Variants in UNC13D observed in about 807,000 individuals in gnomAD.
UNC13D encodes the protein protein unc-13 homolog D.
Under a neutral mutation model 151.7 loss-of-function variants are expected in UNC13D, and 115 were observed. That is an observed-to-expected ratio of 0.76 (90% CI 0.65 to 0.88). The LOEUF is 0.88. Ranked by LOEUF, UNC13D falls within the 40% of genes least tolerant of loss-of-function variation. UNC13D has a pLI of 0.00. For synonymous variants in UNC13D, 588 were observed against 612.2 expected, an observed-to-expected ratio of 0.96 and a Z score of 0.58; for missense variants, 1,369 against 1,438.7, an observed-to-expected ratio of 0.95 and a Z score of 0.78.
chr17:75,842,550 G>T lies in UNC13D; in HGVS notation c.452C>A (p.Pro151His). ...EQGVGVPGGS[P>H]GSRHRQKAVV... Reference sequence around the variant, plus strand: ...AGCCTTCTGCCGATGCCGGGACCCGGGGCTGCCCCCTGGCACACCTACCCC... The same window carrying T: ...AGCCTTCTGCCGATGCCGGGACCCGTGGCTGCCCCCTGGCACACCTACCCC... The change falls in exon 6 of 32, where the codon CCC (proline) becomes CAC (histidine). Residue 151 changes from proline to histidine, a missense_variant. This residue lies in a region of UNC13D where 550 missense variants were observed against 609.0 expected (regional missense o/e 0.90). Coordinates refer to ENST00000207549, the MANE Select transcript of UNC13D (RefSeq NM_199242.3). The T allele has an allele frequency of 6.2e-7, 1 of 1,612,182 alleles. No homozygotes were observed. The highest frequency in any genetic ancestry group is 1.1e-5 in the South Asian group (1 of 90,986).
Position 75,833,103 on chromosome 17 carries a change from C to T in UNC13D, c.2368-58G>A, listed in dbSNP as rs1235748256. 13 of 1,516,664 alleles carry T rather than the reference C, an allele frequency of 8.6e-6. No individual in the cohort carries two copies. Among genetic ancestry groups the T allele is most frequent in the Non-Finnish European group, 1.2e-5 (13 of 1,115,056 alleles). 94.0% of individuals were successfully genotyped at this position (1,516,664 alleles called of 1,614,324 possible). On this transcript the variant is annotated intron_variant, in intron 24 of 31. Coordinates refer to ENST00000207549, the MANE Select transcript of UNC13D (RefSeq NM_199242.3). The surrounding 1 kb of genome is among the most constrained non-coding windows in gnomAD (Gnocchi z 4.0). ...CGGCCCATGTTGGCCCCACCCCCAT[C>T]CCCTTCCCCTGACCTGGAGGGAGGA...
chr17:75,840,819 G>A lies in UNC13D; in HGVS notation c.626C>T (p.Thr209Ile). Reference protein sequence around the residue: ...SFHLDMWDLDTVESVRQKLGE... With the variant: ...SFHLDMWDLDIVESVRQKLGE... The stretch of plus-strand genomic sequence containing the variant: ...AAGCTTCTGTCGGACAGACTCCACA[G>A]TGTCCAGGTCCCTGGCAGGACAGAG... Residue 209 changes from threonine (T) to isoleucine (I), a missense_variant, in exon 8 of 32, where the codon ACT (threonine) becomes ATT (isoleucine). Transcript: ENST00000207549. This position sits in a 1 kb window ranked among gnomAD's most constrained non-coding sequence, Gnocchi z 4.6. 6.2e-7 allele frequency: 1 copy of A among 1,614,074 alleles called. No individual in the cohort carries two copies. The highest frequency in any genetic ancestry group is 8.5e-7 in the Non-Finnish European group (1 of 1,180,032).
At chr17:75,828,163 G>A in intron 31 of UNC13D, 77 bp from the exon 32 acceptor site, 2 of 1,520,918 alleles carry the variant, frequency 1.3e-6, no homozygotes, top group South Asian at 1.2e-5. Context: ...GAGTGTGTGG[G>A]GGGGTACACA....
chr17:75,835,607 C>T (rs530859398), intron 19 of UNC13D, 40 bp downstream of exon 19: 1 of 1,612,736 alleles, frequency 6.2e-7, no homozygotes, highest in Admixed American at 1.7e-5. Flanking sequence ...CTCCCCTCCC[C>T]TGTGCCCCTG....
At chr17:75,830,979 G>T in intron 27 of UNC13D, 119 bp downstream of exon 27, 1 of 1,223,408 alleles carries the variant, frequency 8.2e-7, no homozygotes. Context: ...TGAATAAGGG[G>T]CCCAGTTTTT....
chr17:75,831,340 G>C lies in UNC13D; in HGVS notation c.2456C>G (p.Thr819Ser). ...LVQENFSSLL[T>S]LLWTHTLTVL... ...TGTGAGTGTGTGGGTCCAGAGCAGG[G>C]TCAGGAGGCTGGGGCGGGGCCGGAG... Residue 819 changes from threonine (T) to serine (S), a missense_variant, in exon 26 of 32, where the codon ACC becomes AGC. Physicochemically the swap from Thr to Ser is moderately conservative, Grantham distance 58. Transcript: ENST00000207549. 1 of 1,603,962 alleles carries C rather than the reference G, an allele frequency of 6.2e-7. No homozygotes were observed. Among genetic ancestry groups the C allele is most frequent in the South Asian group, 1.1e-5 (1 of 90,962 alleles).
At chr17:75,830,519 C>T in intron 28 of UNC13D, 37 bp from the exon 29 acceptor site, 1 of 1,584,578 alleles carries the variant, frequency 6.3e-7, no homozygotes, top group Non-Finnish European at 8.6e-7. Context: ...AGCAGGGTCA[C>T]AGCGGGAGCG....
rs572194095 is a variant in UNC13D at position 75,835,427 on chromosome 17, G to C, written c.1830C>G (p.Arg610=). The change falls in exon 20 of 32, where the codon CGC becomes CGG. Residue 610 remains arginine, a synonymous_variant. Coordinates refer to ENST00000207549, the MANE Select transcript of UNC13D (RefSeq NM_199242.3). The part of the protein sequence containing the change: ...TYNEALARVQ[R]AVQMDELVPL... The stretch of plus-strand genomic sequence containing the variant: ...CCCCCACCTCATCCATCTGCACAGC[G>C]CGCTGCACCCGCGCCAGGGCCTCGT... The C allele has an allele frequency of 6.2e-7, 1 of 1,612,482 alleles. No individual in the cohort carries two copies. The highest frequency in any genetic ancestry group is 8.5e-7 in the Non-Finnish European group (1 of 1,179,844).
In UNC13D at chr17:75,836,509, G is replaced by A. The variant is rs573091246; in HGVS notation, c.1298+63C>T. On this transcript the variant is annotated intron_variant, in intron 14 of 31. Coordinates refer to ENST00000207549, the MANE Select transcript of UNC13D (RefSeq NM_199242.3). Reference sequence around the variant, plus strand: ...CTCCTCCAACAATTCTCCCACTCCTGCAGGCACCCCAGCTGCTCCCTCATC... The same window carrying A: ...CTCCTCCAACAATTCTCCCACTCCTACAGGCACCCCAGCTGCTCCCTCATC... The A allele has an allele frequency of 5.6e-5, 90 of 1,612,674 alleles. 1 individual carries two copies. The South Asian group carries it at 9.2e-4, about 17-fold the overall frequency.
At position 75,842,649 on chromosome 17, in the gene UNC13D, G is replaced by A. The variant is rs375627690; in HGVS notation, c.389-36C>T. The A allele has an allele frequency of 1.7e-5, 28 of 1,609,170 alleles. No homozygotes were observed. The South Asian group carries it at 2.9e-4, about 16-fold the overall frequency. ...GTGGGGAAGACGAGGCAGCCAGGGAGTCGGCTGGGTCCCTGGGAGAGGCCC... is the reference window on the plus strand; with the variant it reads ...GTGGGGAAGACGAGGCAGCCAGGGAATCGGCTGGGTCCCTGGGAGAGGCCC... On this transcript the variant is annotated intron_variant, in intron 5 of 31. Transcript: ENST00000207549.
intron 12 of UNC13D, among the ~76,000 whole-genome samples, chr17:75,839,154 G>A (rs1190576390): frequency 6.6e-6 from 1 of 151,812 alleles, no homozygotes; most frequent in Non-Finnish European, 1.5e-5. Context: ...TATAATCTCA[G>A]CACTTTGAGA....
rs1381119897 is a variant in UNC13D at position 75,834,713 on chromosome 17, T to G, written c.1996A>C (p.Thr666Pro). ...CAGTACACCAGGGCCAGGCGACAGG[T>G]GTCCTAGGGTGGGGTTGGACAGAGG... is the stretch of plus-strand genomic sequence containing the variant. ...FMITVKFVED[T>P]CRLALVYCSL... The change falls in exon 22 of 32, where the codon ACC (threonine) becomes CCC (proline). Residue 666 changes from threonine to proline, a missense_variant. Transcript: ENST00000207549. 1.2e-6 allele frequency: 2 copies of G among 1,613,370 alleles called. No homozygotes were observed. The highest frequency in any genetic ancestry group is 2.2e-5 in the South Asian group (2 of 91,054).
chr17:75,838,696 C>T (rs968744685), intron 12 of UNC13D, among the ~76,000 whole-genome samples: 1 of 152,184 alleles, frequency 6.6e-6, no homozygotes, highest in African/African-American at 2.4e-5. Flanking sequence ...GGGTTAGGGA[C>T]CGGGTCCAAA....
Position 75,831,122 on chromosome 17 carries a change from C to T in UNC13D, c.2601G>A (p.Lys867=). 6.2e-7 allele frequency: 1 copy of T among 1,613,956 alleles called. No individual in the cohort carries two copies. The highest frequency in any genetic ancestry group is 8.5e-7 in the Non-Finnish European group (1 of 1,180,020). Residue 867 remains lysine (K), a synonymous_variant, in exon 27 of 32, where the codon AAG becomes AAA. Transcript: ENST00000207549. ...FHAEGCGLPP[K]ALHTATFQAL... is the part of the protein sequence containing the mutation. ...CCTGGAAGGTGGCAGTGTGCAGGGC[C>T]TTGGGTGGCAGGCCACAGCCCTCAG...
rs1422985125 is a variant in UNC13D at position 75,833,225 on chromosome 17, G to T, written c.2368-180C>A. ...CCTTCCCCTCTCCGTTGCTCAGCCTGTCCCAGCCACACTGGCCTCCTCTAC... is the reference window on the plus strand; with the variant it reads ...CCTTCCCCTCTCCGTTGCTCAGCCTTTCCCAGCCACACTGGCCTCCTCTAC... On this transcript the variant is annotated intron_variant, in intron 24 of 31. Coordinates refer to ENST00000207549, the MANE Select transcript of UNC13D (RefSeq NM_199242.3). This position sits in a 1 kb window ranked among gnomAD's most constrained non-coding sequence, Gnocchi z 4.0. 1.7e-5 allele frequency: 10 copies of T among 592,436 alleles called. No homozygotes were observed. The Admixed American group carries it at 2.5e-4, about 15-fold the overall frequency. The allele number at this position is 592,436 out of a possible 1,614,324, so 36.7% of individuals were successfully genotyped here.
rs1399204539 is a variant in UNC13D at position 75,832,983 on chromosome 17, C to T, written c.2430G>A (p.Val810=). The change falls in exon 25 of 32, where the codon GTG becomes GTA. Residue 810 remains valine (V), a synonymous_variant. Coordinates refer to ENST00000207549, the MANE Select transcript of UNC13D (RefSeq NM_199242.3). This position sits in a 1 kb window ranked among gnomAD's most constrained non-coding sequence, Gnocchi z 4.3. Reference sequence around the variant, plus strand: ...CTACAGACCTGCTGAAGTTCTCCTGCACCAAGTTGGTGTTCATGTAGCAAA... The same window carrying T: ...CTACAGACCTGCTGAAGTTCTCCTGTACCAAGTTGGTGTTCATGTAGCAAA... ...VELCYMNTNL[V]QENFSSLLTL... 6.3e-7 allele frequency: 1 copy of T among 1,592,964 alleles called. No homozygotes were observed. Among genetic ancestry groups the T allele is most frequent in the Non-Finnish European group, 8.5e-7 (1 of 1,170,598 alleles).
chr17:75,840,000 G>A lies in UNC13D; in HGVS notation c.951+18C>T, dbSNP rs897393215. 1 of 1,613,518 alleles carries A rather than the reference G, an allele frequency of 6.2e-7. No homozygotes were observed. The highest frequency in any genetic ancestry group is 1.1e-5 in the South Asian group (1 of 91,068). On this transcript the variant is annotated intron_variant, in intron 11 of 31. Coordinates refer to ENST00000207549, the MANE Select transcript of UNC13D (RefSeq NM_199242.3). ...TGAAGGGCAGCCCCGGCTGCGCCCAGCCCCAGGAGGGCAATACCTCGTGCT... is the reference window on the plus strand; with the variant it reads ...TGAAGGGCAGCCCCGGCTGCGCCCAACCCCAGGAGGGCAATACCTCGTGCT...
rs1299322782 is a variant in UNC13D, at chr17:75,835,392, C to A, written c.1848+17G>T. On this transcript the variant is annotated intron_variant, in intron 20 of 31. Transcript: ENST00000207549. Reference sequence around the variant, plus strand: ...CCCAAACCGGGGCCCCGCCCCCTGCCCTGGCCACGCCCCCACCTCATCCAT... The same window carrying A: ...CCCAAACCGGGGCCCCGCCCCCTGCACTGGCCACGCCCCCACCTCATCCAT... 4 of 1,609,552 alleles carry A rather than the reference C, an allele frequency of 2.5e-6. No homozygotes were observed. The African/African-American group carries it at 5.3e-5, about 21-fold the overall frequency.
chr17:75,834,808 G>A (rs2064895766), intron 21 of UNC13D, 92 bp from the exon 22 acceptor site: 1 of 1,607,546 alleles, frequency 6.2e-7, no homozygotes, highest in Admixed American at 1.7e-5. Context: ...CGACTTGGGG[G>A]ATTTAGAATA....
Sources: allele counts gnomAD v4.1 joint callset (sites outside exome capture counted in the v4.1 genomes callset), GRCh38; gene constraint gnomAD v4.1.1; regional missense constraint gnomAD v4.1.1; non-coding constraint Gnocchi (gnomAD v3.1); transcripts MANE v1.5; gene names NCBI Gene and HGNC (gene_info 2026-07-23, HGNC 2026-07-21).